The following WDR41 variants were observed in gnomAD, a reference collection of about 807,000 sequenced individuals.
WDR41 encodes WD repeat domain 41, also known as WD repeat-containing protein 41.
In WDR41, 63 loss-of-function variants were observed where a neutral mutation model predicts 69.3. The observed-to-expected ratio is 0.91, with a 90% CI of 0.74 to 1.12. The LOEUF (loss-of-function observed/expected upper bound fraction) is 1.12, where lower values mean the gene tolerates loss of function less well. Among genes scored for constraint, WDR41 ranks in the 50% most tolerant of loss-of-function variants. The probability of loss-of-function intolerance (pLI) is 0.00; values close to 1 mark genes in which losing one functional copy is unlikely to be tolerated. For missense variants in WDR41, 543 were observed against 534.5 expected (o/e 1.02, Z -0.16); for synonymous variants, 185 against 192.1 (o/e 0.96, Z 0.31).
intron 1 of WDR41, among the ~76,000 whole-genome samples, chr5:77,603,079 A>G (rs1403410186): frequency 6.6e-6 from 1 of 151,726 alleles, no homozygotes; most frequent in East Asian, 1.9e-4. Context: ...CTGGGACTAC[A>G]GGCGCCCACC....
At chr5:77,444,857 G>T (rs1442638250) in intron 8 of WDR41, among the ~76,000 whole-genome samples, 1 of 152,100 alleles carries the variant, frequency 6.6e-6, no homozygotes, top group Non-Finnish European at 1.5e-5. Flanking sequence ...ATTATCTGTA[G>T]TATAATTTTA....
At chr5:77,588,107 C>T (rs1744073041) in intron 1 of WDR41, among the ~76,000 whole-genome samples, 1 of 152,170 alleles carries the variant, frequency 6.6e-6, no homozygotes. Flanking sequence ...CCTGTTCAAA[C>T]AATCCATTTA....
At chr5:77,573,146 C>T (rs960098977) in intron 1 of WDR41, among the ~76,000 whole-genome samples, 1 of 152,158 alleles carries the variant, frequency 6.6e-6, no homozygotes, top group Non-Finnish European at 1.5e-5. Flanking sequence ...TACTTTTGCC[C>T]AGCTACCTGC....
At chr5:77,581,760 G>A (rs1465696709) in intron 1 of WDR41, among the ~76,000 whole-genome samples, 1 of 151,980 alleles carries the variant, frequency 6.6e-6, no homozygotes, top group East Asian at 1.9e-4. Flanking sequence ...AAGACTTAAA[G>A]AAGAAATCAA....
At chr5:77,617,687 G>A (rs533135083) in intron 1 of WDR41, among the ~76,000 whole-genome samples, 2 of 152,234 alleles carry the variant, frequency 1.3e-5, no homozygotes, top group South Asian at 4.1e-4. Context: ...TATTAGGTAG[G>A]TACGTGTCAA....
At chr5:77,564,955 T>C (rs1301503611) in intron 1 of WDR41, among the ~76,000 whole-genome samples, 1 of 152,174 alleles carries the variant, frequency 6.6e-6, no homozygotes, top group African/African-American at 2.4e-5. Flanking sequence ...CTTTTCTCTC[T>C]TTAATGTGTC....
At chr5:77,606,745 C>G (rs1459022028) in intron 1 of WDR41, among the ~76,000 whole-genome samples, 2 of 151,626 alleles carry the variant, frequency 1.3e-5, no homozygotes, top group Admixed American at 1.3e-4. Context: ...TGAGGCTGCA[C>G]CAAGCCATGA....
intron 2 of WDR41, among the ~76,000 whole-genome samples, chr5:77,475,476 C>A (rs563741919): frequency 6.6e-6 from 1 of 152,178 alleles, no homozygotes; most frequent in East Asian, 1.9e-4. Flanking sequence ...GGAGATCTGA[C>A]AACGGGCAGA....
At chr5:77,477,173 G>T (rs1483224761) in intron 2 of WDR41, among the ~76,000 whole-genome samples, 2 of 148,234 alleles carry the variant, frequency 1.3e-5, no homozygotes, top group Non-Finnish European at 2.9e-5. Context: ...GATGAATAAA[G>T]CAAGTCCTGA....
At chr5:77,609,304 G>T (rs1744491780) in intron 1 of WDR41, among the ~76,000 whole-genome samples, 1 of 152,116 alleles carries the variant, frequency 6.6e-6, no homozygotes, top group African/African-American at 2.4e-5. Flanking sequence ...AGAGAGCAGT[G>T]GTTCTCCCAG....
upstream of WDR41, chr5:77,492,486 C>T (rs1003747996): frequency 4.8e-6 from 2 of 416,848 alleles, no homozygotes; most frequent in Non-Finnish European, 8.4e-6. Flanking sequence ...GCGGCGATTG[C>T]GGGGCGCGCG....
intron 1 of WDR41, among the ~76,000 whole-genome samples, chr5:77,606,499 G>C (rs1325596817): frequency 6.6e-6 from 1 of 152,164 alleles, no homozygotes; most frequent in Non-Finnish European, 1.5e-5. Context: ...TAAATGACTG[G>C]AGTGGCTGAG....
At chr5:77,593,128 T>A (rs1744162383) in intron 1 of WDR41, among the ~76,000 whole-genome samples, 1 of 151,860 alleles carries the variant, frequency 6.6e-6, no homozygotes, top group South Asian at 2.1e-4. Context: ...AGGAGAACAG[T>A]GGGTAGAGTG....
intron 1 of WDR41, among the ~76,000 whole-genome samples, chr5:77,533,067 A>G (rs1742886134): frequency 6.6e-6 from 1 of 152,198 alleles, no homozygotes; most frequent in South Asian, 2.1e-4. Flanking sequence ...CATATCAGGA[A>G]ATGGGATCCC....
rs780298529 is a variant in WDR41, at chr5:77,433,333, GAA to G, written c.1228-48_1228-47del. On this transcript the variant is annotated intron_variant, in intron 12 of 12. Transcript: ENST00000296679. The stretch of plus-strand genomic sequence containing the variant: ...GATTATAGGGACCCCGAAAAGCAGA[GAA>G]GTGTCTAATACCACATTAACACATG... 8.2e-6 allele frequency: 13 copies of G among 1,579,998 alleles called. No individual in the cohort carries two copies. The South Asian group carries it at 1.4e-4, about 17-fold the overall frequency.
At chr5:77,489,356 A>T in intron 2 of WDR41, 101 bp downstream of exon 2, 1 of 622,160 alleles carries the variant, frequency 1.6e-6, no homozygotes, top group Non-Finnish European at 2.6e-6. Flanking sequence ...CACAGTTTTT[A>T]AATTTTTAGA....
intron 1 of WDR41, among the ~76,000 whole-genome samples, chr5:77,563,911 T>C (rs2112261757): frequency 6.6e-6 from 1 of 152,194 alleles, no homozygotes; most frequent in Non-Finnish European, 1.5e-5. Context: ...AGTTGAAAAA[T>C]GTTGATAAGT....
intron 1 of WDR41, among the ~76,000 whole-genome samples, chr5:77,557,620 T>C (rs920061480): frequency 4.0e-5 from 6 of 151,170 alleles, no homozygotes; most frequent in Non-Finnish European, 7.3e-5. Context: ...GGAATCAGTA[T>C]AGTCGCTTTG....
chr5:77,601,029 A>G (rs1216249860), intron 1 of WDR41, among the ~76,000 whole-genome samples: 3 of 151,800 alleles, frequency 2.0e-5, no homozygotes, highest in Non-Finnish European at 2.9e-5. Flanking sequence ...AGATCATAGT[A>G]AGAAAAGGTG....
Sources: allele counts gnomAD v4.1 joint callset (sites outside exome capture counted in the v4.1 genomes callset), GRCh38; gene constraint gnomAD v4.1.1; transcripts MANE v1.5; gene names NCBI Gene and HGNC (gene_info 2026-07-23, HGNC 2026-07-21).